The following TNKS variants were observed in gnomAD, a reference collection of about 807,000 sequenced individuals.
The protein encoded by TNKS is poly [ADP-ribose] polymerase tankyrase-1.
Under a neutral mutation model 135.8 loss-of-function variants are expected in TNKS, and 72 were observed. The ratio of observed to expected loss-of-function variants is 0.53; its 90% CI spans 0.44 to 0.64. The LOEUF is 0.64. Among genes scored for constraint, TNKS ranks in the 30% least tolerant of loss-of-function variants. The pLI, the probability that TNKS is intolerant of heterozygous loss-of-function variation, is 0.00. For synonymous variants in TNKS, 849 were observed against 649.3 expected (o/e 1.31, Z -4.68); for missense variants, 1,769 against 1,674.0 (o/e 1.06, Z -0.99).
chr8:9,735,096 C>T lies in TNKS; in HGVS notation c.2533+12C>T. 1 of 1,609,982 alleles carries T rather than the reference C, an allele frequency of 6.2e-7. No individual in the cohort carries two copies. Among genetic ancestry groups the T allele is most frequent in the Non-Finnish European group, 8.5e-7 (1 of 1,178,354 alleles). ...TCTGCACCTGGCAGGTAAGCGCCCC[C>T]AGTGCCTCCAAGCCTCCTTTTCCTT... On this transcript the variant is annotated intron_variant, in intron 16 of 26. Transcript: ENST00000310430.
chr8:9,653,150 G>C lies in TNKS; in HGVS notation c.995-26801G>C, dbSNP rs139008863. 5.3e-3 allele frequency among the ~76,000 whole-genome samples: 810 copies of C among 152,298 alleles called. 5 individuals are homozygous for C. Among genetic ancestry groups the C allele is most frequent in the Admixed American group, 8.9e-3 (136 of 15,302 alleles). ...AGACTGCTATAGTGAAGTAATGAGGGAGAAAGAAATTAAAAGGAAGGACAC... is the reference window on the plus strand; with the variant it reads ...AGACTGCTATAGTGAAGTAATGAGGCAGAAAGAAATTAAAAGGAAGGACAC... On this transcript the variant is annotated intron_variant, in intron 3 of 26. Transcript: ENST00000310430.
At chr8:9,666,572 T>C (rs1488163749) in intron 3 of TNKS, among the ~76,000 whole-genome samples, 1 of 151,900 alleles carries the variant, frequency 6.6e-6, no homozygotes, top group Non-Finnish European at 1.5e-5. Context: ...ATACAAAAAT[T>C]AGCTGGCTGT....
chr8:9,629,872 C>T (rs1400290473), intron 3 of TNKS, among the ~76,000 whole-genome samples: 12 of 152,200 alleles, frequency 7.9e-5, no homozygotes, highest in South Asian at 6.2e-4. Flanking sequence ...TTAGTAGAGA[C>T]GGGGTTTCAC....
intron 2 of TNKS, among the ~76,000 whole-genome samples, chr8:9,597,940 C>G (rs1227754218): frequency 6.6e-6 from 1 of 152,068 alleles, no homozygotes; most frequent in African/African-American, 2.4e-5. Context: ...CATGGAAACA[C>G]AAAACTCAGT....
intron 2 of TNKS, among the ~76,000 whole-genome samples, chr8:9,614,768 C>T (rs1443261279): frequency 6.6e-6 from 1 of 152,152 alleles, no homozygotes; most frequent in African/African-American, 2.4e-5. Context: ...CTCCTGCCCT[C>T]TCCACCCTCC....
rs1802748230 is a variant in TNKS at position 9,680,772 on chromosome 8, T to G, written c.1079T>G (p.Val360Gly). 1 of 1,612,398 alleles carries G rather than the reference T, an allele frequency of 6.2e-7. No individual in the cohort carries two copies. The highest frequency in any genetic ancestry group is 8.5e-7 in the Non-Finnish European group (1 of 1,179,066). Reference sequence around the variant, plus strand: ...ATGGCTTTACTGACTCCTCTAAATGTGAATTGCCATGCAAGTGATGGGCGA... The same window carrying G: ...ATGGCTTTACTGACTCCTCTAAATGGGAATTGCCATGCAAGTGATGGGCGA... ...KLMALLTPLN[V>G]NCHASDGRKS... The change falls in exon 5 of 27, where the codon GTG becomes GGG. Residue 360 changes from valine (V) to glycine (G), a missense_variant. By Grantham distance (109) the Val-to-Gly change is moderately radical. Around this residue, in one of 5 missense-constraint regions of TNKS, gnomAD observed 523 missense variants for 541.0 expected, o/e 0.97. Coordinates refer to ENST00000310430, the MANE Select transcript of TNKS (RefSeq NM_003747.3).
rs766530899 is a variant in TNKS at position 9,580,238 on chromosome 8, C to T, written c.753C>T (p.Ile251=). ...ACGCTCGTGATGATGGAGGTCTCAT[C>T]CCGCTTCATAATGCCTGTTCTTTTG... ...NVHARDDGGL[I]PLHNACSFGH... is the part of the protein sequence containing the mutation. Residue 251 remains isoleucine, a synonymous_variant, in exon 2 of 27, where the codon ATC becomes ATT. Transcript: ENST00000310430. The T allele has an allele frequency of 3.7e-6, 6 of 1,614,132 alleles. No homozygotes were observed. The South Asian group carries it at 6.6e-5, about 18-fold the overall frequency.
intron 2 of TNKS, among the ~76,000 whole-genome samples, chr8:9,593,879 T>A (rs777519484): frequency 1.2e-4 from 18 of 149,610 alleles, no homozygotes; most frequent in Non-Finnish European, 2.1e-4. Flanking sequence ...TTTATTTATT[T>A]ATTATTATTA....
intron 3 of TNKS, among the ~76,000 whole-genome samples, chr8:9,668,263 A>G (rs763290785): frequency 6.6e-6 from 1 of 152,228 alleles, no homozygotes; most frequent in South Asian, 2.1e-4. Context: ...AAAGATTTAG[A>G]TCAGAGAAAT....
At chr8:9,765,488 G>C (rs1167185052) in intron 23 of TNKS, among the ~76,000 whole-genome samples, 1 of 151,652 alleles carries the variant, frequency 6.6e-6, no homozygotes, top group Non-Finnish European at 1.5e-5. Context: ...GTCTGGTATA[G>C]AACAACAAAA....
chr8:9,560,043 A>G (rs967975535), intron 1 of TNKS, among the ~76,000 whole-genome samples: 14 of 152,172 alleles, frequency 9.2e-5, no homozygotes, highest in Middle Eastern at 3.2e-3. Flanking sequence ...TTTCTTCTAC[A>G]GATGTGGTCC....
chr8:9,580,355 T>C lies in TNKS; in HGVS notation c.870T>C (p.Ala290=). 1 of 1,614,200 alleles carries C rather than the reference T, an allele frequency of 6.2e-7. No homozygotes were observed. Among genetic ancestry groups the C allele is most frequent in the African/African-American group, 1.3e-5 (1 of 75,058 alleles). Reference sequence around the variant, plus strand: ...ACTATACACCTCTGCATGAAGCTGCTATTAAAGGGAAGATCGATGTGTGCA... The same window carrying C: ...ACTATACACCTCTGCATGAAGCTGCCATTAAAGGGAAGATCGATGTGTGCA... The part of the protein sequence containing the change: ...NWNYTPLHEA[A]IKGKIDVCIV... The change falls in exon 2 of 27, where the codon GCT becomes GCC. Residue 290 remains alanine (A), a synonymous_variant. Coordinates refer to ENST00000310430, the MANE Select transcript of TNKS (RefSeq NM_003747.3).
chr8:9,764,515 T>G (rs1393913181), intron 22 of TNKS, among the ~76,000 whole-genome samples: 5 of 152,316 alleles, frequency 3.3e-5, no homozygotes, highest in Non-Finnish European at 4.4e-5. Flanking sequence ...TTCAGAACTT[T>G]TATTTAAAAG....
At position 9,765,675 on chromosome 8, in the gene TNKS, C is replaced by T; in HGVS notation, c.3448-17C>T. 1 of 1,598,090 alleles carries T rather than the reference C, an allele frequency of 6.3e-7. No homozygotes were observed. Among genetic ancestry groups the T allele is most frequent in the Non-Finnish European group, 8.6e-7 (1 of 1,166,936 alleles). On this transcript the variant is annotated splice_polypyrimidine_tract_variant and intron_variant, in intron 23 of 26. Transcript: ENST00000310430. ...CACGTTTCACCGATAATGTTTCTTT[C>T]TTCTTCATCCTTAAAGATTCAAAAA...
At chr8:9,630,394 A>G (rs572609361) in intron 3 of TNKS, among the ~76,000 whole-genome samples, 1 of 152,326 alleles carries the variant, frequency 6.6e-6, no homozygotes, top group African/African-American at 2.4e-5. Context: ...GGAATTGACA[A>G]TGAGAAGATT....
At chr8:9,696,916 A>G (rs913048860) in intron 5 of TNKS, among the ~76,000 whole-genome samples, 8 of 152,190 alleles carry the variant, frequency 5.3e-5, no homozygotes, top group Admixed American at 6.5e-5. Flanking sequence ...CTATCCAACA[A>G]TCAACATCAT....
intron 3 of TNKS, among the ~76,000 whole-genome samples, chr8:9,617,536 C>G (rs1168450660): frequency 2.0e-5 from 3 of 152,150 alleles, no homozygotes; most frequent in African/African-American, 4.8e-5. Flanking sequence ...AGTTCTGTTT[C>G]TACATTCATG....
chr8:9,573,662 T>C (rs1007826214), intron 1 of TNKS, among the ~76,000 whole-genome samples: 8 of 152,208 alleles, frequency 5.3e-5, no homozygotes, highest in Admixed American at 4.6e-4. Context: ...AATGGGATCT[T>C]TTTACGCTTA....
intron 3 of TNKS, among the ~76,000 whole-genome samples, chr8:9,669,103 A>G (rs952206831): frequency 6.6e-6 from 1 of 152,180 alleles, no homozygotes; most frequent in Admixed American, 6.5e-5. Context: ...GAAAAAGTAC[A>G]TAAATAAATT....
Sources: gnomAD v4.1 joint callset for allele counts (sites outside exome capture counted in the v4.1 genomes callset) on GRCh38, gnomAD v4.1.1 for gene constraint, gnomAD v4.1.1 regional missense constraint, MANE v1.5 for transcripts, NCBI Gene and HGNC (gene_info 2026-07-23, HGNC 2026-07-21) for gene names.